NKAIN3: variants seen among roughly 807,000 people sequenced by gnomAD.
The protein encoded by NKAIN3 is sodium/potassium-transporting ATPase subunit beta-1-interacting protein 3.
A neutral mutation model predicts 30.2 loss-of-function variants in NKAIN3; 25 were observed. The observed-to-expected ratio is 0.83, with a 90% CI of 0.60 to 1.16. The LOEUF is 1.16. NKAIN3 is among the 50% of genes most tolerant of loss of function. The pLI, the probability that NKAIN3 is intolerant of heterozygous loss-of-function variation, is 0.00. For synonymous variants in NKAIN3, 91 were observed against 89.6 expected (o/e 1.02, Z -0.09); for missense variants, 225 against 254.1 (o/e 0.89, Z 0.78).
chr8:62,437,519 T>C (rs1805205248), intron 1 of NKAIN3, among the ~76,000 whole-genome samples: 1 of 152,204 alleles, frequency 6.6e-6, no homozygotes, highest in African/African-American at 2.4e-5. Context: ...TTCTGTCATT[T>C]CCAGGAATGA....
At chr8:62,415,163 TTA>T (rs966815995) in intron 1 of NKAIN3, among the ~76,000 whole-genome samples, 7 of 141,702 alleles carry the variant, frequency 4.9e-5, no homozygotes, top group African/African-American at 1.3e-4. Flanking sequence ...CTATAGTATA[TTA>T]TATAATATAT....
At chr8:62,328,516 T>C (rs1357832314) in intron 1 of NKAIN3, among the ~76,000 whole-genome samples, 1 of 152,078 alleles carries the variant, frequency 6.6e-6, no homozygotes, top group East Asian at 1.9e-4. Context: ...TATTATCTCA[T>C]AGAGATTTCC....
chr8:62,971,150 G>T lies in NKAIN3; in HGVS notation c.*5743G>T, dbSNP rs183833998. On this transcript the variant is annotated 3_prime_UTR_variant, in exon 7 of 7. Transcript: ENST00000623646. ...AATGGCTGCTGAAGCTTCAGCCATT[G>T]GTTTTGTATTCTGGCCTTGGAGGTG... is the stretch of plus-strand genomic sequence containing the variant. Among the ~76,000 whole-genome samples the T allele has an allele frequency of 2.9e-3, 443 of 152,196 alleles. 1 individual carries two copies. Among genetic ancestry groups the T allele is most frequent in the Non-Finnish European group, 4.9e-3 (331 of 68,010 alleles).
intron 1 of NKAIN3, among the ~76,000 whole-genome samples, chr8:62,491,241 G>A (rs1807057387): frequency 6.6e-6 from 1 of 150,746 alleles, no homozygotes; most frequent in South Asian, 2.1e-4. Context: ...CACTGACAAT[G>A]TGTGGTTTTC....
intron 4 of NKAIN3, among the ~76,000 whole-genome samples, chr8:62,834,439 C>T (rs191307538): frequency 5.8e-4 from 89 of 152,198 alleles, no homozygotes; most frequent in Admixed American, 2.1e-3. Flanking sequence ...AAAGACTCTA[C>T]CCAAAGATGC....
intron 1 of NKAIN3, among the ~76,000 whole-genome samples, chr8:62,490,628 A>G (rs1424727388): frequency 6.6e-6 from 1 of 152,198 alleles, no homozygotes; most frequent in Non-Finnish European, 1.5e-5. Context: ...ATATATGTTT[A>G]CTTACAAGAA....
chr8:62,425,664 C>A (rs956177254), intron 1 of NKAIN3, among the ~76,000 whole-genome samples: 2 of 151,972 alleles, frequency 1.3e-5, no homozygotes, highest in Admixed American at 1.3e-4. Flanking sequence ...ATAATGAAAA[C>A]AAACTTGTAT....
intron 1 of NKAIN3, among the ~76,000 whole-genome samples, chr8:62,532,441 C>T (rs924509081): frequency 1.6e-4 from 19 of 117,254 alleles, no homozygotes; most frequent in East Asian, 9.3e-4. Flanking sequence ...TGAATGTGTG[C>T]TTTGTTAACT....
chr8:62,587,010 G>A (rs1810496604), intron 2 of NKAIN3, among the ~76,000 whole-genome samples: 1 of 151,916 alleles, frequency 6.6e-6, no homozygotes, highest in African/African-American at 2.4e-5. Flanking sequence ...GTTTAAAAAT[G>A]GAGAGTCTTA....
intron 1 of NKAIN3, among the ~76,000 whole-genome samples, chr8:62,302,481 A>T (rs1218151546): frequency 1.3e-5 from 2 of 152,094 alleles, no homozygotes; most frequent in Non-Finnish European, 2.9e-5. Context: ...TGTATCAATA[A>T]CAAAGACAGT....
In NKAIN3 at chr8:62,764,051, A is replaced by G. The variant is rs189351773; in HGVS notation, c.471+16922A>G. On this transcript the variant is annotated intron_variant, in intron 4 of 6. Coordinates refer to ENST00000623646, the MANE Select transcript of NKAIN3 (RefSeq NM_001304533.3). ...GGGAGGGGTTTACCTTAGGTTTGGA[A>G]TGTTTCCAGTTGGAGATGTCATTTG... 3.9e-5 allele frequency among the ~76,000 whole-genome samples: 6 copies of G among 152,262 alleles called. No homozygotes were observed. In the East Asian group the frequency reaches 1.2e-3, roughly 29 times the overall value.
chr8:62,917,259 G>A (rs578100210), intron 4 of NKAIN3, among the ~76,000 whole-genome samples: 2 of 152,096 alleles, frequency 1.3e-5, no homozygotes, highest in Non-Finnish European at 2.9e-5. Context: ...AGTGTGAGTT[G>A]GGTGCCAAGC....
Position 62,918,460 on chromosome 8 carries a change from G to A in NKAIN3, c.479G>A (p.Gly160Asp). The A allele has an allele frequency of 6.2e-7, 1 of 1,612,686 alleles. No individual in the cohort carries two copies. The highest frequency in any genetic ancestry group is 1.1e-5 in the South Asian group (1 of 90,986). ...ATTTTTTCCCTTTTGCAGTTGGTGG[G>A]TTTTGTGTATGCCTGTTATGTGATC... is the stretch of plus-strand genomic sequence containing the variant. ...SAVQILLSLV[G>D]FVYACYVISI... The change falls in exon 5 of 7, where the codon GGT becomes GAT. Residue 160 changes from glycine (G) to aspartate (D), a missense_variant. Coordinates refer to ENST00000623646, the MANE Select transcript of NKAIN3 (RefSeq NM_001304533.3).
intron 4 of NKAIN3, among the ~76,000 whole-genome samples, chr8:62,759,088 CT>C (rs1270129867): frequency 2.0e-5 from 3 of 152,118 alleles, no homozygotes; most frequent in African/African-American, 7.2e-5. Flanking sequence ...ACAAAGTAAT[CT>C]TTTAAAAATT....
chr8:62,962,674 G>A (rs1272217958), intron 6 of NKAIN3, among the ~76,000 whole-genome samples: 1 of 152,128 alleles, frequency 6.6e-6, no homozygotes, highest in Admixed American at 6.5e-5. Context: ...TCCAGATACT[G>A]GCAAGTGTCG....
intron 4 of NKAIN3, among the ~76,000 whole-genome samples, chr8:62,753,863 T>C (rs1816364309): frequency 6.6e-6 from 1 of 152,118 alleles, no homozygotes; most frequent in African/African-American, 2.4e-5. Context: ...TGTATAAATA[T>C]ATGCAATTAA....
chr8:62,894,208 A>G (rs1821369650), intron 4 of NKAIN3, among the ~76,000 whole-genome samples: 1 of 152,202 alleles, frequency 6.6e-6, no homozygotes, highest in African/African-American at 2.4e-5. Context: ...TAGGCAAGAC[A>G]GAAAATTAGG....
chr8:62,813,912 T>C (rs781637857), intron 4 of NKAIN3, among the ~76,000 whole-genome samples: 10 of 152,092 alleles, frequency 6.6e-5, no homozygotes, highest in Non-Finnish European at 1.5e-4. Flanking sequence ...CCTTGCTGTA[T>C]ATAATATTCT....
intron 1 of NKAIN3, among the ~76,000 whole-genome samples, chr8:62,321,547 A>G (rs1024721401): frequency 6.6e-6 from 1 of 152,216 alleles, no homozygotes; most frequent in Non-Finnish European, 1.5e-5. Context: ...TCCTTCTAAC[A>G]GTCAGGACCT....
Sources: gnomAD v4.1 joint callset for allele counts (sites outside exome capture counted in the v4.1 genomes callset) on GRCh38, gnomAD v4.1.1 for gene constraint, MANE v1.5 for transcripts, NCBI Gene and HGNC (gene_info 2026-07-23, HGNC 2026-07-21) for gene names.